ANGPT2: variants seen among roughly 807,000 people sequenced by gnomAD.
The protein encoded by ANGPT2 is angiopoietin 2.
ANGPT2 carries 28 observed loss-of-function variants against 62.9 expected under a neutral mutation model. The ratio of observed to expected loss-of-function variants is 0.44; its 90% CI spans 0.33 to 0.61. The LOEUF is 0.61. Ranked by LOEUF, ANGPT2 falls within the 20% of genes least tolerant of loss-of-function variation. The pLI, the probability that ANGPT2 is intolerant of heterozygous loss-of-function variation, is 0.03. For synonymous variants in ANGPT2, 284 were observed against 207.8 expected (o/e 1.37, Z -3.15); for missense variants, 727 against 594.9 (o/e 1.22, Z -2.31).
chr8:6,504,029 T>C (rs1162105233), intron 8 of ANGPT2, among the ~76,000 whole-genome samples: 5 of 152,122 alleles, frequency 3.3e-5, no homozygotes, highest in Non-Finnish European at 4.4e-5. Flanking sequence ...AAATATTCTA[T>C]AAGCAGGGGC....
chr8:6,530,246 G>A (rs1482999808), intron 2 of ANGPT2, among the ~76,000 whole-genome samples: 1 of 151,974 alleles, frequency 6.6e-6, no homozygotes, highest in Non-Finnish European at 1.5e-5. Context: ...GGTGGCTCAC[G>A]CCTGTGATCC....
intron 8 of ANGPT2, among the ~76,000 whole-genome samples, chr8:6,503,525 C>G (rs1243179634): frequency 6.6e-6 from 1 of 152,130 alleles, no homozygotes; most frequent in Non-Finnish European, 1.5e-5. Flanking sequence ...CCTGAATTCT[C>G]CACAGTCCTA....
rs57835088 is a variant in ANGPT2 at position 6,552,815 on chromosome 8, C to CTTT, written c.288+9829_288+9831dup. On this transcript the variant is annotated intron_variant, in intron 1 of 8. Coordinates refer to ENST00000629816, the MANE Select transcript of ANGPT2 (RefSeq NM_001118887.2). The stretch of plus-strand genomic sequence containing the variant: ...AACAATTGTTCTACAGTTATTCCTG[C>CTTT]TTTTTTTTTTTTAACTCACTCATTA... Among the ~76,000 whole-genome samples the CTTT allele has an allele frequency of 5.4e-4, 79 of 146,282 alleles. 1 individual carries two copies. Among genetic ancestry groups the CTTT allele is most frequent in the African/African-American group, 1.6e-3 (66 of 40,418 alleles).
intron 1 of ANGPT2, among the ~76,000 whole-genome samples, chr8:6,538,199 A>C (rs1395873635): frequency 6.6e-6 from 1 of 152,072 alleles, no homozygotes; most frequent in Non-Finnish European, 1.5e-5. Context: ...TTCACAAATA[A>C]TTTGAGATTT....
intron 8 of ANGPT2, among the ~76,000 whole-genome samples, 164 bp from the exon 9 acceptor site, chr8:6,503,425 C>G (rs1812598695): frequency 6.6e-6 from 1 of 152,144 alleles, no homozygotes; most frequent in Non-Finnish European, 1.5e-5. Context: ...GGATTGTTTT[C>G]CAGCCATACA....
chr8:6,514,554 A>G, intron 6 of ANGPT2, 123 bp downstream of exon 6: 1 of 845,908 alleles, frequency 1.2e-6, no homozygotes, highest in Non-Finnish European at 1.9e-6. Context: ...CTGAAGCACC[A>G]ATTTTAAAAA....
intron 1 of ANGPT2, among the ~76,000 whole-genome samples, chr8:6,543,775 GTAT>G (rs1822036596): frequency 6.6e-6 from 1 of 152,088 alleles, no homozygotes; most frequent in Non-Finnish European, 1.5e-5. Flanking sequence ...ATTCTCCCAA[GTAT>G]TTAAAGCTGC....
intron 1 of ANGPT2, among the ~76,000 whole-genome samples, chr8:6,540,805 G>A (rs906124046): frequency 1.3e-5 from 2 of 152,268 alleles, no homozygotes; most frequent in Non-Finnish European, 2.9e-5. Flanking sequence ...CAGCCATGCC[G>A]AACAGGCGCG....
intron 1 of ANGPT2, among the ~76,000 whole-genome samples, chr8:6,560,000 T>C (rs1031552441): frequency 1.3e-5 from 2 of 152,216 alleles, no homozygotes; most frequent in Non-Finnish European, 2.9e-5. Flanking sequence ...GACCTTTTGA[T>C]GATGTGAAAC....
chr8:6,537,475 CCAGA>C (rs1030918477), intron 1 of ANGPT2, among the ~76,000 whole-genome samples: 1 of 151,652 alleles, frequency 6.6e-6, no homozygotes, highest in African/African-American at 2.4e-5. Context: ...GAGTTGCGCC[CCAGA>C]CATAGTCTTT....
chr8:6,544,596 G>C (rs1243365742), intron 1 of ANGPT2, among the ~76,000 whole-genome samples: 2 of 152,190 alleles, frequency 1.3e-5, no homozygotes, highest in African/African-American at 4.8e-5. Flanking sequence ...TGGAGGGGGA[G>C]AGGGTTGAGT....
At chr8:6,551,385 CTG>C (rs149096245) in intron 1 of ANGPT2, among the ~76,000 whole-genome samples, 12,437 of 152,098 alleles carry the variant, frequency 0.082, 1,488 homozygotes, top group African/African-American at 0.27. Flanking sequence ...AATTATGTAA[CTG>C]TAAACAAATT....
chr8:6,508,431 C>G (rs899338396), intron 8 of ANGPT2: 1 of 164,106 alleles, frequency 6.1e-6, no homozygotes, highest in African/African-American at 2.4e-5. Context: ...CAAAGTAAGA[C>G]TCTGTCTCAA....
intron 5 of ANGPT2, among the ~76,000 whole-genome samples, chr8:6,516,139 A>C (rs1816225679): frequency 6.6e-6 from 1 of 152,228 alleles, no homozygotes; most frequent in Non-Finnish European, 1.5e-5. Flanking sequence ...ACATTTATTA[A>C]GAAGAAAATT....
At chr8:6,545,378 G>C (rs1327035842) in intron 1 of ANGPT2, among the ~76,000 whole-genome samples, 3 of 152,118 alleles carry the variant, frequency 2.0e-5, no homozygotes, top group Non-Finnish European at 2.9e-5. Context: ...AAAACTAAAA[G>C]ACATTTAGAA....
At chr8:6,539,831 C>T (rs2129573480) in intron 1 of ANGPT2, among the ~76,000 whole-genome samples, 1 of 152,338 alleles carries the variant, frequency 6.6e-6, no homozygotes, top group South Asian at 2.1e-4. Context: ...AGGCCATCTG[C>T]CTGCCTTGGC....
At chr8:6,562,305 T>C (rs1175170591) in intron 1 of ANGPT2, among the ~76,000 whole-genome samples, 1 of 152,098 alleles carries the variant, frequency 6.6e-6, no homozygotes, top group East Asian at 1.9e-4. Flanking sequence ...TGATGGGTGT[T>C]ACTGAGCTTA....
chr8:6,552,993 A>G (rs745545481), intron 1 of ANGPT2, among the ~76,000 whole-genome samples: 8 of 152,210 alleles, frequency 5.3e-5, no homozygotes, highest in Middle Eastern at 3.2e-3. Flanking sequence ...GAGGATTCTT[A>G]GGGCAGTGAA....
At chr8:6,531,969 C>T (rs554668795) in intron 2 of ANGPT2, among the ~76,000 whole-genome samples, 2 of 152,142 alleles carry the variant, frequency 1.3e-5, no homozygotes, top group Non-Finnish European at 2.9e-5. Context: ...CTTTTCATTT[C>T]TCAAATGTTC....
Sources: gnomAD v4.1 joint callset for allele counts (sites outside exome capture counted in the v4.1 genomes callset) on GRCh38, gnomAD v4.1.1 for gene constraint, MANE v1.5 for transcripts, NCBI Gene and HGNC (gene_info 2026-07-23, HGNC 2026-07-21) for gene names.